C3: variants seen among roughly 807,000 people sequenced by gnomAD.
C3 encodes C3 and PZP-like alpha-2-macroglobulin domain-containing protein 1.
Under a neutral mutation model 207.9 loss-of-function variants are expected in C3, and 97 were observed. The ratio of observed to expected loss-of-function variants is 0.47; its 90% CI spans 0.40 to 0.55. The LOEUF is 0.55. C3 is among the 20% of genes least tolerant of loss of function. The probability of loss-of-function intolerance (pLI) is 0.00; values close to 1 mark genes in which losing one functional copy is unlikely to be tolerated. For synonymous variants in C3, 848 were observed against 857.6 expected, an observed-to-expected ratio of 0.99 and a Z score of 0.20; for missense variants, 1,684 against 2,171.7, an observed-to-expected ratio of 0.78 and a Z score of 4.46.
Position 6,709,684 on chromosome 19 carries a change from C to A in C3, c.1845G>T (p.Lys615Asn). 1 of 1,612,740 alleles carries A rather than the reference C, an allele frequency of 6.2e-7. No individual in the cohort carries two copies. The highest frequency in any genetic ancestry group is 8.5e-7 in the Non-Finnish European group (1 of 1,179,534). ...GCAGCCTTGGGTCACTGGCCCTTAC[C>A]TTACTCTGCGTCAGTTTGTTCTTCT... The part of the protein sequence containing the change: ...LNKKNKLTQS[K>N]IWDVVEKADI... Residue 615 changes from lysine to asparagine, a missense_variant and splice_region_variant, in exon 14 of 41, where the codon AAG becomes AAT. Physicochemically the swap from Lys to Asn is moderately conservative, Grantham distance 94. Coordinates refer to ENST00000245907, the MANE Select transcript of C3 (RefSeq NM_000064.4).
At position 6,703,722 on chromosome 19, in the gene C3, G is replaced by A. The variant is rs530251783; in HGVS notation, c.2246-1143C>T. Among the ~76,000 whole-genome samples the A allele has an allele frequency of 2.5e-3, 384 of 152,270 alleles. 3 individuals carry two copies. The highest frequency in any genetic ancestry group is 8.9e-3 in the African/African-American group (371 of 41,532). ...ATTTGTCCATTCTGAACATGACTAGGTGAGCTGAGAACATTCCCAGACCTG... is the reference window on the plus strand; with the variant it reads ...ATTTGTCCATTCTGAACATGACTAGATGAGCTGAGAACATTCCCAGACCTG... On this transcript the variant is annotated intron_variant, in intron 17 of 40. Coordinates refer to ENST00000245907, the MANE Select transcript of C3 (RefSeq NM_000064.4).
At chr19:6,708,026 A>G in intron 14 of C3, 97 bp from the exon 15 acceptor site, 1 of 1,411,482 alleles carries the variant, frequency 7.1e-7, no homozygotes, top group Non-Finnish European at 9.9e-7. Context: ...AAATGACCCC[A>G]CCCTGTCCCA....
intron 24 of C3, 119 bp from the exon 25 acceptor site, chr19:6,693,606 G>T (rs1304149827): frequency 4.8e-6 from 4 of 829,900 alleles, no homozygotes; most frequent in Non-Finnish European, 6.0e-6. Flanking sequence ...GAGGGGTTCT[G>T]GGAGGAGGGG....
At position 6,711,119 on chromosome 19, in the gene C3, C is replaced by G; in HGVS notation, c.1347G>C (p.Val449=). 1 of 1,614,080 alleles carries G rather than the reference C, an allele frequency of 6.2e-7. No individual in the cohort carries two copies. ...GATGCAGGTAATTGTTGGAGTTGCCCACGGTGCTGTAGGGCAGAGCCTGCA... is the reference window on the plus strand; with the variant it reads ...GATGCAGGTAATTGTTGGAGTTGCCGACGGTGCTGTAGGGCAGAGCCTGCA... The part of the protein sequence containing the change: ...RTMQALPYST[V]GNSNNYLHLS... Residue 449 remains valine (V), a synonymous_variant, in exon 12 of 41, where the codon GTG becomes GTC. Transcript: ENST00000245907.
chr19:6,702,282 C>G, intron 18 of C3, 70 bp from the exon 19 acceptor site: 1 of 1,085,296 alleles, frequency 9.2e-7, no homozygotes, highest in Non-Finnish European at 1.4e-6. Context: ...AGAACTGGTG[C>G]AGAGGGACCC....
At position 6,684,164 on chromosome 19, in the gene C3, C is replaced by T. The variant is rs1389624; in HGVS notation, c.4172+224G>A. 6.4e-6 allele frequency: 4 copies of T among 629,132 alleles called. No individual in the cohort carries two copies. In the South Asian group the frequency reaches 7.0e-5, roughly 11 times the overall value. 39.0% of individuals were successfully genotyped at this position (629,132 alleles called of 1,614,324 possible). A position where few individuals can be genotyped will look rare whatever the true frequency, so the allele number is the denominator to read the frequency against. ...ATTGTGTACTTTCCTCCATTGATTA[C>T]TAAGATGCTTTGACAGTCTCAGCTT... On this transcript the variant is annotated intron_variant, in intron 33 of 40. Coordinates refer to ENST00000245907, the MANE Select transcript of C3 (RefSeq NM_000064.4).
chr19:6,709,611 T>TGCCCCCCCCCCCCCCCCCC, intron 14 of C3, 73 bp downstream of exon 14: 9 of 1,109,430 alleles, frequency 8.1e-6, no homozygotes, highest in African/African-American at 1.5e-5. Context: ...CCCTCTCCAG[T>TGCCCCCCCCCCCCCCCCCC]CCCACCCACC....
rs1368689304 is a variant in C3 at position 6,707,181 on chromosome 19, T to C, written c.2140A>G (p.Ile714Val). The stretch of plus-strand genomic sequence containing the variant: ...TTCTTGCACGCCTCGCCCAGGGAGA[T>C]GAAACGGGTCCGGCGCTGGCACGAG... The part of the protein sequence containing the change: ...RFSCQRRTRF[I>V]SLGEACKKVF... The change falls in exon 17 of 41, where the codon ATC (isoleucine) becomes GTC (valine). Residue 714 changes from isoleucine to valine, a missense_variant. Physicochemically the swap from Ile to Val is conservative, Grantham distance 29. Transcript: ENST00000245907. 5 of 1,613,688 alleles carry C rather than the reference T, an allele frequency of 3.1e-6. No homozygotes were observed. In the South Asian group the frequency reaches 4.4e-5, roughly 14 times the overall value.
chr19:6,700,394 T>C (rs1159473063), intron 19 of C3, among the ~76,000 whole-genome samples: 1 of 72,334 alleles, frequency 1.4e-5, no homozygotes, highest in South Asian at 4.1e-4. Context: ...ATATATGATA[T>C]ATATGTAATA....
intron 33 of C3, among the ~76,000 whole-genome samples, chr19:6,683,775 C>A (rs943919730): frequency 6.6e-6 from 1 of 152,168 alleles, no homozygotes; most frequent in Non-Finnish European, 1.5e-5. Context: ...TTATAACTGG[C>A]AGTATGATAA....
At chr19:6,700,301 C>A (rs1967618762) in intron 19 of C3, among the ~76,000 whole-genome samples, 2 of 14,708 alleles carry the variant, frequency 1.4e-4, no homozygotes, top group African/African-American at 3.5e-4. Context: ...ATGTGATATG[C>A]AATATATATT....
At chr19:6,692,884 G>T in intron 26 of C3, 40 bp downstream of exon 26, 1 of 1,607,928 alleles carries the variant, frequency 6.2e-7, no homozygotes, top group Non-Finnish European at 8.5e-7. Flanking sequence ...AGACTCAGGA[G>T]CCCCTCTCTT....
chr19:6,696,562 C>T (rs1188490080), intron 22 of C3, 31 bp downstream of exon 22: 2 of 1,609,768 alleles, frequency 1.2e-6, no homozygotes, highest in Non-Finnish European at 8.5e-7. Flanking sequence ...CCCTGCCAGC[C>T]CCTCAGCCCC....
Position 6,693,442 on chromosome 19 carries a change from G to A in C3, c.3200C>T (p.Ala1067Val), listed in dbSNP as rs767443171. ...GCTGGGTGCCCGTTTCACGAAGGCC[G>A]CAAAGGCAGAGCTGGGTTGTCTGAA... is the stretch of plus-strand genomic sequence containing the variant. ...LAFRQPSSAF[A>V]AFVKRAPSTW... Residue 1067 changes from alanine to valine, a missense_variant, in exon 25 of 41, where the codon GCG (alanine) becomes GTG (valine). Around this residue, in one of 3 missense-constraint regions of C3, gnomAD observed 1,280 missense variants for 1,739.1 expected, o/e 0.74. Transcript: ENST00000245907. 12 of 1,611,962 alleles carry A rather than the reference G, an allele frequency of 7.4e-6. 1 individual carries two copies. The highest frequency in any genetic ancestry group is 1.3e-5 in the African/African-American group (1 of 75,004).
chr19:6,690,418 A>G (rs1384614251), intron 27 of C3, among the ~76,000 whole-genome samples: 1 of 152,262 alleles, frequency 6.6e-6, no homozygotes, highest in Non-Finnish European at 1.5e-5. Context: ...TAAAAGGATT[A>G]TGAGACTTAA....
rs753981448 is a variant in C3 at position 6,678,223 on chromosome 19, G to T, written c.4779C>A (p.Ala1593=). 7.4e-6 allele frequency: 12 copies of T among 1,614,168 alleles called. No individual in the cohort carries two copies. Among genetic ancestry groups the T allele is most frequent in the Admixed American group, 1.7e-5 (1 of 60,024 alleles). ...TFISPIKCRE[A]LKLEEKKHYL... ...AGTGTTTCTTCTCCTCCAGCTTCAG[G>T]GCTTCTCTGCACTTGATGGGGCTGA... Residue 1593 remains alanine, a synonymous_variant, in exon 40 of 41, where the codon GCC becomes GCA. Transcript: ENST00000245907.
intron 14 of C3, 72 bp downstream of exon 14, chr19:6,709,612 C>CA: frequency 1.6e-6 from 1 of 614,098 alleles, no homozygotes; most frequent in Non-Finnish European, 3.1e-6. Flanking sequence ...CCTCTCCAGT[C>CA]CCACCCACCT....
intron 26 of C3, among the ~76,000 whole-genome samples, chr19:6,692,034 A>ACACACT (rs1491178428): frequency 4.3e-5 from 6 of 141,072 alleles, no homozygotes; most frequent in Non-Finnish European, 7.8e-5. Flanking sequence ...ACACACACAC[A>ACACACT]CTCACACCCC....
At chr19:6,688,135 C>T (rs11569529) in intron 27 of C3, among the ~76,000 whole-genome samples, 40,087 of 149,568 alleles carry the variant, frequency 0.27, 5,961 homozygotes, top group East Asian at 0.58. Context: ...TGAGCCACCG[C>T]GCCTGGCCTT....
Sources: gnomAD v4.1 joint callset for allele counts (sites outside exome capture counted in the v4.1 genomes callset) on GRCh38, gnomAD v4.1.1 for gene constraint, gnomAD v4.1.1 regional missense constraint, MANE v1.5 for transcripts, NCBI Gene and HGNC (gene_info 2026-07-23, HGNC 2026-07-21) for gene names.